CREB5: variants seen among roughly 807,000 people sequenced by gnomAD.
The protein encoded by CREB5 is cAMP responsive element binding protein 5, also known as cyclic AMP-responsive element-binding protein 5.
A neutral mutation model predicts 57.1 loss-of-function variants in CREB5; 19 were observed. The observed-to-expected ratio is 0.33, with a 90% CI of 0.23 to 0.49. The LOEUF is 0.49. Among genes scored for constraint, CREB5 ranks in the 20% least tolerant of loss-of-function variants. The pLI, the probability that CREB5 is intolerant of heterozygous loss-of-function variation, is 0.99. For missense variants in CREB5, 579 were observed against 671.6 expected (o/e 0.86, Z 1.52); for synonymous variants, 238 against 238.3 (o/e 1.00, Z 0.01).
At chr7:28,791,600 G>T (rs1289269057) in intron 7 of CREB5, among the ~76,000 whole-genome samples, 2 of 152,164 alleles carry the variant, frequency 1.3e-5, no homozygotes, top group African/African-American at 4.8e-5. Context: ...CTTAATATCT[G>T]CAAGGTACTG....
chr7:28,399,824 G>A (rs1787417072), intron 1 of CREB5, among the ~76,000 whole-genome samples: 1 of 152,158 alleles, frequency 6.6e-6, no homozygotes, highest in Non-Finnish European at 1.5e-5. Flanking sequence ...GGGAGGCGAG[G>A]TGGGTTGATC....
At chr7:28,434,001 C>CA (rs1372221216) in intron 1 of CREB5, among the ~76,000 whole-genome samples, 7 of 151,982 alleles carry the variant, frequency 4.6e-5, no homozygotes, top group Non-Finnish European at 8.8e-5. Context: ...TCCTATGAGA[C>CA]CTCTAGAGGG....
chr7:28,320,630 A>G (rs1038415917), intron 1 of CREB5, among the ~76,000 whole-genome samples: 7 of 152,212 alleles, frequency 4.6e-5, no homozygotes, highest in Non-Finnish European at 5.9e-5. Flanking sequence ...GTACGGGCCC[A>G]TATCCTCAGC....
chr7:28,600,188 C>G (rs1202416125), intron 5 of CREB5, among the ~76,000 whole-genome samples: 3 of 152,156 alleles, frequency 2.0e-5, no homozygotes, highest in African/African-American at 7.2e-5. Flanking sequence ...TTCTTTTACA[C>G]TTACCTCTCC....
intron 5 of CREB5, among the ~76,000 whole-genome samples, chr7:28,573,387 C>T (rs1023935246): frequency 6.6e-6 from 1 of 152,174 alleles, no homozygotes; most frequent in African/African-American, 2.4e-5. Flanking sequence ...TTTGCCATGG[C>T]TACTGGCCAA....
At position 28,636,332 on chromosome 7, in the gene CREB5, GT is replaced by G. The variant is rs369090027; in HGVS notation, c.464+65797del. On this transcript the variant is annotated intron_variant, in intron 5 of 10. Transcript: ENST00000357727. ...GAGGAGTGTGGAATGTGTTTAGAGT[GT>G]TCCAATATGGGATTATCATCACACA... Among the ~76,000 whole-genome samples the G allele has an allele frequency of 2.6e-4, 40 of 152,204 alleles. No homozygotes were observed. In the East Asian group the frequency reaches 4.1e-3, roughly 16 times the overall value.
rs1317270515 is a variant in CREB5 at position 28,430,523 on chromosome 7, G to A, written c.3+17606G>A. Among the ~76,000 whole-genome samples, 5 of 152,192 alleles carry A rather than the reference G, an allele frequency of 3.3e-5. No individual in the cohort carries two copies. In the East Asian group the frequency reaches 9.6e-4, roughly 29 times the overall value. ...GATTTTAAAATGCTATGCAAATTAT[G>A]AGCGGCCGTTATGATTGATGTAGCA... On this transcript the variant is annotated intron_variant, in intron 1 of 10. Coordinates refer to ENST00000357727, the MANE Select transcript of CREB5 (RefSeq NM_182898.4).
chr7:28,440,076 C>T (rs1270566960), intron 1 of CREB5, among the ~76,000 whole-genome samples: 2 of 152,158 alleles, frequency 1.3e-5, no homozygotes, highest in Non-Finnish European at 2.9e-5. Context: ...TAGACTTTAC[C>T]TGTCTCAGGG....
chr7:28,573,361 A>C (rs1795778173), intron 5 of CREB5, among the ~76,000 whole-genome samples: 1 of 152,242 alleles, frequency 6.6e-6, no homozygotes. Context: ...AAATCTGGCC[A>C]AGCCACCTGC....
rs370715248 is a variant in CREB5 at position 28,501,990 on chromosome 7, G to C, written c.170-5626G>C. ...CCCAGTATATGAGTCAAGAGTGTAAGAGGGTGTTCCATCTCCCCACTGACC... is the reference window on the plus strand; with the variant it reads ...CCCAGTATATGAGTCAAGAGTGTAACAGGGTGTTCCATCTCCCCACTGACC... On this transcript the variant is annotated intron_variant, in intron 3 of 10. Transcript: ENST00000357727. Among the ~76,000 whole-genome samples the C allele has an allele frequency of 2.6e-5, 4 of 152,266 alleles. No homozygotes were observed. In the South Asian group the frequency reaches 6.2e-4, roughly 24 times the overall value.
intron 5 of CREB5, among the ~76,000 whole-genome samples, chr7:28,704,783 C>G (rs1346958933): frequency 1.3e-5 from 2 of 152,130 alleles, no homozygotes; most frequent in African/African-American, 4.8e-5. Context: ...ATCATATCTA[C>G]TCATTTAACT....
chr7:28,394,610 G>A (rs1311292888), intron 1 of CREB5, among the ~76,000 whole-genome samples: 4 of 152,136 alleles, frequency 2.6e-5, no homozygotes, highest in Non-Finnish European at 1.5e-5. Context: ...GTTCTTAAGA[G>A]CCCTTGCTTT....
At position 28,445,697 on chromosome 7, in the gene CREB5, G is replaced by T. The variant is rs544690340; in HGVS notation, c.3+32780G>T. Reference sequence around the variant, plus strand: ...CTCCCGAGTAGCTGGGACTACAGGCGCCCGCCACCACGCCTGGCTAATTTT... The same window carrying T: ...CTCCCGAGTAGCTGGGACTACAGGCTCCCGCCACCACGCCTGGCTAATTTT... On this transcript the variant is annotated intron_variant, in intron 1 of 10. Transcript: ENST00000357727. Among the ~76,000 whole-genome samples the T allele has an allele frequency of 4.6e-5, 7 of 152,002 alleles. No individual in the cohort carries two copies. The East Asian group carries it at 1.4e-3, about 29-fold the overall frequency.
At chr7:28,323,280 C>G (rs78071961) in intron 1 of CREB5, among the ~76,000 whole-genome samples, 1 of 152,156 alleles carries the variant, frequency 6.6e-6, no homozygotes, top group East Asian at 1.9e-4. Context: ...AATCCTTGCC[C>G]TCAAATCTCA....
At chr7:28,687,505 T>C (rs1015991490) in intron 5 of CREB5, among the ~76,000 whole-genome samples, 1 of 149,730 alleles carries the variant, frequency 6.7e-6, no homozygotes, top group Non-Finnish European at 1.5e-5. Context: ...TATTGTGATA[T>C]GCTGCCTGAG....
At chr7:28,416,568 G>A (rs1001655201) in intron 1 of CREB5, among the ~76,000 whole-genome samples, 3 of 152,124 alleles carry the variant, frequency 2.0e-5, no homozygotes, top group Non-Finnish European at 4.4e-5. Context: ...ATGGTGTGGT[G>A]CACCATCATG....
intron 5 of CREB5, among the ~76,000 whole-genome samples, chr7:28,700,691 C>T (rs1045931929): frequency 6.6e-6 from 1 of 152,070 alleles, no homozygotes; most frequent in South Asian, 2.1e-4. Context: ...AGATGATGAG[C>T]TTCCTGCTTG....
At chr7:28,578,253 A>G (rs1795980483) in intron 5 of CREB5, among the ~76,000 whole-genome samples, 1 of 152,252 alleles carries the variant, frequency 6.6e-6, no homozygotes, top group Non-Finnish European at 1.5e-5. Context: ...TGTACTTGTC[A>G]TAGTTCCTAC....
At chr7:28,744,487 A>G (rs939039914) in intron 7 of CREB5, among the ~76,000 whole-genome samples, 1 of 151,474 alleles carries the variant, frequency 6.6e-6, no homozygotes, top group Non-Finnish European at 1.5e-5. Context: ...AGCTGGGATT[A>G]CAGGTACACA....
Sources: allele counts gnomAD v4.1 joint callset (sites outside exome capture counted in the v4.1 genomes callset), GRCh38; gene constraint gnomAD v4.1.1; transcripts MANE v1.5; gene names NCBI Gene and HGNC (gene_info 2026-07-23, HGNC 2026-07-21).